The following BDP1 variants were observed in gnomAD, a reference collection of about 807,000 sequenced individuals.
BDP1 encodes the protein transcription factor TFIIIB component B'' homolog.
In BDP1, 169 loss-of-function variants were observed where a neutral mutation model predicts 266.6. The ratio of observed to expected loss-of-function variants is 0.63; its 90% confidence interval spans 0.56 to 0.72. The LOEUF (loss-of-function observed/expected upper bound fraction) is 0.72, where lower values mean the gene tolerates loss of function less well. BDP1 is among the 30% of genes least tolerant of loss of function. The probability of loss-of-function intolerance (pLI) is 0.00; values close to 1 mark genes in which losing one functional copy is unlikely to be tolerated. For missense variants in BDP1, 3,015 were observed against 3,053.8 expected (o/e 0.99, Z 0.30); for synonymous variants, 1,090 against 1,022.4 (o/e 1.07, Z -1.26).
the BDP1 span, among the ~76,000 whole-genome samples, chr5:71,577,608 C>A: frequency 2.6e-5 from 4 of 152,266 alleles, no homozygotes; most frequent in African/African-American, 9.6e-5. Context: ...TTGCAGGGAG[C>A]TTTCACATCC....
intron 33 of BDP1, 62 bp from the exon 34 acceptor site, chr5:71,549,353 ATAAAT>A: frequency 8.0e-7 from 1 of 1,257,144 alleles, no homozygotes; most frequent in Non-Finnish European, 1.1e-6. Context: ...TAGAAATGAA[ATAAAT>A]TAATGATACT....
chr5:71,550,341 G>A (rs1344724189), intron 34 of BDP1, among the ~76,000 whole-genome samples: 1 of 151,858 alleles, frequency 6.6e-6, no homozygotes, highest in South Asian at 2.1e-4. Flanking sequence ...AGCTGAGATT[G>A]CACCACTGCA....
At chr5:71,479,079 G>T (rs373407014) in intron 7 of BDP1, among the ~76,000 whole-genome samples, 1 of 151,688 alleles carries the variant, frequency 6.6e-6, no homozygotes, top group East Asian at 1.9e-4. Flanking sequence ...GTCTCGCTCT[G>T]TTGCCCAGGC....
At chr5:71,488,478 G>C (rs1019546838) in intron 9 of BDP1, among the ~76,000 whole-genome samples, 2 of 151,332 alleles carry the variant, frequency 1.3e-5, no homozygotes, top group African/African-American at 4.9e-5. Context: ...GCCCAGGCTG[G>C]AGTGCCATGG....
intron 4 of BDP1, among the ~76,000 whole-genome samples, chr5:71,464,715 GTTTTTT>G (rs567761591): frequency 4.5e-5 from 4 of 88,060 alleles, no homozygotes; most frequent in Non-Finnish European, 8.6e-5. Context: ...AAATTTTTTA[GTTTTTT>G]TTTTTTTTTT....
chr5:71,547,905 G>A (rs1408228620), intron 32 of BDP1, among the ~76,000 whole-genome samples: 1 of 152,098 alleles, frequency 6.6e-6, no homozygotes, highest in African/African-American at 2.4e-5. Context: ...GCAGTGAGCC[G>A]AGATTGTGCC....
At chr5:71,515,890 C>T (rs140372052) in intron 20 of BDP1, among the ~76,000 whole-genome samples, 171 bp from the exon 21 acceptor site, 142 of 152,244 alleles carry the variant, frequency 9.3e-4, no homozygotes, top group African/African-American at 3.3e-3. Context: ...ATTGACATAA[C>T]TGTTTTCTTT....
At chr5:71,457,616 T>G (rs373920424) in intron 1 of BDP1, among the ~76,000 whole-genome samples, 1 of 152,042 alleles carries the variant, frequency 6.6e-6, no homozygotes, top group Non-Finnish European at 1.5e-5. Context: ...CCCAGCCTCT[T>G]TTTATTTTTT....
Position 71,510,706 on chromosome 5 carries a change from G to T in BDP1, c.3614G>T (p.Arg1205Ile). ...VIETDLEETE[R>I]EISPQENGPE... is the part of the protein sequence containing the mutation. Reference sequence around the variant, plus strand: ...GAGACAGATTTGGAAGAAACTGAAAGAGAAATATCGCCACAGGAAAATGGC... The same window carrying T: ...GAGACAGATTTGGAAGAAACTGAAATAGAAATATCGCCACAGGAAAATGGC... The change falls in exon 17 of 39, where the codon AGA (arginine) becomes ATA (isoleucine). Residue 1205 changes from arginine (R) to isoleucine (I), a missense_variant. Around this residue, in one of 3 missense-constraint regions of BDP1, gnomAD observed 2,383 missense variants for 2,404.9 expected, o/e 0.99. Transcript: ENST00000358731. 6.2e-7 allele frequency: 1 copy of T among 1,613,938 alleles called. No individual in the cohort carries two copies. Among genetic ancestry groups the T allele is most frequent in the Non-Finnish European group, 8.5e-7 (1 of 1,179,952 alleles).
intron 19 of BDP1, among the ~76,000 whole-genome samples, chr5:71,514,178 A>G (rs1255436114): frequency 6.6e-6 from 1 of 152,196 alleles, no homozygotes; most frequent in East Asian, 1.9e-4. Context: ...AACGAAATGA[A>G]TAATTATAAA....
chr5:71,521,534 C>T (rs769618189), intron 22 of BDP1, among the ~76,000 whole-genome samples: 36 of 152,038 alleles, frequency 2.4e-4, no homozygotes, highest in African/African-American at 3.6e-4. Flanking sequence ...TCAGGTGATC[C>T]GCCCACCTCG....
Position 71,510,093 on chromosome 5 carries a change from G to GA in BDP1, c.3002dup (p.Val1002GlyfsTer6), listed in dbSNP as rs1351127500. 6.2e-7 allele frequency: 1 copy of GA among 1,613,872 alleles called. No individual in the cohort carries two copies. Among genetic ancestry groups the GA allele is most frequent in the Non-Finnish European group, 8.5e-7 (1 of 1,180,020 alleles). On this transcript the variant is annotated frameshift_variant, in exon 17 of 39. Coordinates refer to ENST00000358731, the MANE Select transcript of BDP1 (RefSeq NM_018429.3). LOFTEE classifies it high-confidence loss of function. ...ATCCCCAAGGGAAAATGGCCCAGAG[G>GA]AGGTCAAGCCTGTAGATGAAATGGA...
At chr5:71,576,810 C>T in the BDP1 span, among the ~76,000 whole-genome samples, 2 of 152,258 alleles carry the variant, frequency 1.3e-5, no homozygotes, top group South Asian at 2.1e-4. Context: ...GGCTTTAGCC[C>T]GCCTCTTCCT....
chr5:71,461,880 A>C lies in BDP1; in HGVS notation c.553A>C (p.Thr185Pro), dbSNP rs764156146. Reference sequence around the variant, plus strand: ...GAGGCCACCAGATCGTTCAAAAATGACTATGAGAGACTTCATATATTATCT... The same window carrying C: ...GAGGCCACCAGATCGTTCAAAAATGCCTATGAGAGACTTCATATATTATCT... Reference protein sequence around the residue: ...SQRPPDRSKMTMRDFIYYLPD... With the variant: ...SQRPPDRSKMPMRDFIYYLPD... Residue 185 changes from threonine to proline, a missense_variant, in exon 3 of 39, where the codon ACT becomes CCT. By Grantham distance (38) the Thr-to-Pro change is conservative. Around this residue, in one of 3 missense-constraint regions of BDP1, gnomAD observed 2,383 missense variants for 2,404.9 expected, o/e 0.99. Transcript: ENST00000358731. 4 of 1,603,160 alleles carry C rather than the reference A, an allele frequency of 2.5e-6. No homozygotes were observed. In the Admixed American group the frequency reaches 6.7e-5, roughly 27 times the overall value.
rs369358054 is a variant in BDP1 at position 71,509,544 on chromosome 5, A to T, written c.2452A>T (p.Ile818Leu). 1 of 1,612,148 alleles carries T rather than the reference A, an allele frequency of 6.2e-7. No homozygotes were observed. The highest frequency in any genetic ancestry group is 1.1e-5 in the South Asian group (1 of 90,480). Reference protein sequence around the residue: ...RTRFQKPKPNIGRGTGRREIS... With the variant: ...RTRFQKPKPNLGRGTGRREIS... ...TCGATTTCAGAAACCAAAGCCAAAT[A>T]TAGGAAGAGGAACTGGAAGGAGAGA... Residue 818 changes from isoleucine to leucine, a missense_variant, in exon 17 of 39, where the codon ATA (isoleucine) becomes TTA (leucine). Ile to Leu is a conservative substitution (Grantham distance 5). Around this residue, in one of 3 missense-constraint regions of BDP1, gnomAD observed 2,383 missense variants for 2,404.9 expected, o/e 0.99. Coordinates refer to ENST00000358731, the MANE Select transcript of BDP1 (RefSeq NM_018429.3).
At chr5:71,545,472 C>T (rs1018773224) in intron 32 of BDP1, 8 of 465,704 alleles carry the variant, frequency 1.7e-5, no homozygotes, top group African/African-American at 1.0e-4. Context: ...GCTGGGACTA[C>T]AGGCATGTGT....
rs745737814 is a variant in BDP1, at chr5:71,549,611, C to G, written c.6995+5C>G. On this transcript the variant is annotated splice_donor_5th_base_variant and intron_variant, in intron 34 of 38. Coordinates refer to ENST00000358731, the MANE Select transcript of BDP1 (RefSeq NM_018429.3). Reference sequence around the variant, plus strand: ...CGAAGAAAGGGGTGACATGAGGTAACGAATGAGTGAAACTGTTTTTGCTAG... The same window carrying G: ...CGAAGAAAGGGGTGACATGAGGTAAGGAATGAGTGAAACTGTTTTTGCTAG... 4 of 1,583,408 alleles carry G rather than the reference C, an allele frequency of 2.5e-6. No homozygotes were observed. In the South Asian group the frequency reaches 4.7e-5, roughly 18 times the overall value.
At chr5:71,544,277 T>G in intron 30 of BDP1, 80 bp from the exon 31 acceptor site, 1 of 1,344,132 alleles carries the variant, frequency 7.4e-7, no homozygotes, top group Non-Finnish European at 1.0e-6. Context: ...AATCTTCCTT[T>G]TAAGAGGGCA....
chr5:71,558,807 C>T (rs1374811416), intron 36 of BDP1, among the ~76,000 whole-genome samples: 1 of 143,204 alleles, frequency 7.0e-6, no homozygotes, highest in African/African-American at 2.6e-5. Flanking sequence ...GCCTGGGCAA[C>T]AAGAGCGAAA....
Sources: gnomAD v4.1 joint callset for allele counts (sites outside exome capture counted in the v4.1 genomes callset) on GRCh38, gnomAD v4.1.1 for gene constraint, gnomAD v4.1.1 regional missense constraint, MANE v1.5 for transcripts, NCBI Gene and HGNC (gene_info 2026-07-23, HGNC 2026-07-21) for gene names.